Variants in SMC1B observed in about 807,000 individuals in gnomAD.
SMC1B encodes structural maintenance of chromosomes 1B, also known as structural maintenance of chromosomes protein 1B.
A neutral mutation model predicts 157.9 loss-of-function variants in SMC1B; 60 were observed. The ratio of observed to expected loss-of-function variants is 0.38; its 90% CI spans 0.31 to 0.47. The LOEUF (loss-of-function observed/expected upper bound fraction) is 0.47. Among genes scored for constraint, SMC1B ranks in the 20% least tolerant of loss-of-function variants. The pLI is 0.99. For synonymous variants in SMC1B, 445 were observed against 483.0 expected (o/e 0.92, Z 1.03); for missense variants, 1,165 against 1,426.2 (o/e 0.82, Z 2.95).
intron 12 of SMC1B, 38 bp downstream of exon 12, chr22:45,383,429 C>A: frequency 6.8e-7 from 1 of 1,472,718 alleles, no homozygotes; most frequent in South Asian, 1.5e-5. Flanking sequence ...CACAATTATT[C>A]TACTTAGTAT....
intron 23 of SMC1B, among the ~76,000 whole-genome samples, chr22:45,346,415 A>G (rs537944668): frequency 6.6e-6 from 1 of 152,324 alleles, no homozygotes; most frequent in Non-Finnish European, 1.5e-5. Context: ...TTGGTGAACA[A>G]ACCACTCAGA....
intron 2 of SMC1B, among the ~76,000 whole-genome samples, 168 bp downstream of exon 2, chr22:45,408,542 A>G (rs1405400642): frequency 1.3e-5 from 2 of 152,230 alleles, no homozygotes. Flanking sequence ...TATGTGGCGA[A>G]TCAAACAGGT....
chr22:45,391,100 G>C (rs887362982), intron 9 of SMC1B, among the ~76,000 whole-genome samples: 1 of 144,920 alleles, frequency 6.9e-6, no homozygotes, highest in Non-Finnish European at 1.5e-5. Flanking sequence ...GTCTTGCTAT[G>C]TTGCCCAGGC....
rs753330750 is a variant in SMC1B, at chr22:45,354,968, A to C, written c.3109T>G (p.Ser1037Ala). 2.0e-5 allele frequency: 33 copies of C among 1,614,026 alleles called. No homozygotes were observed. The highest frequency in any genetic ancestry group is 2.6e-5 in the Non-Finnish European group (31 of 1,179,962). Reference protein sequence around the residue: ...LKTVRDKFQESTDAFEASRKE... With the variant: ...LKTVRDKFQEATDAFEASRKE... The stretch of plus-strand genomic sequence containing the variant: ...CTACACTCAATTTTACCATCTGTGG[A>C]CTCTTGAAACTTGTCTCTGACAGTC... The change falls in exon 20 of 25, where the codon TCC becomes GCC. Residue 1037 changes from serine (S) to alanine (A), a missense_variant. Coordinates refer to ENST00000357450, the MANE Select transcript of SMC1B (RefSeq NM_148674.5).
chr22:45,355,629 A>G (rs1262752311), intron 19 of SMC1B, among the ~76,000 whole-genome samples: 1 of 152,162 alleles, frequency 6.6e-6, no homozygotes, highest in East Asian at 1.9e-4. Flanking sequence ...AAGACTTCTA[A>G]TAGGGCAAGC....
At chr22:45,384,401 A>G (rs961880494) in intron 11 of SMC1B, among the ~76,000 whole-genome samples, 2 of 152,006 alleles carry the variant, frequency 1.3e-5, no homozygotes, top group African/African-American at 2.4e-5. Flanking sequence ...GTTTTTTGTC[A>G]TATTGGAAAA....
At chr22:45,412,382 G>A (rs1182377898) in intron 1 of SMC1B, among the ~76,000 whole-genome samples, 6 of 146,944 alleles carry the variant, frequency 4.1e-5, no homozygotes, top group Middle Eastern at 7.5e-3. Flanking sequence ...TGTATTTTTA[G>A]TAGAGACAGG....
In SMC1B at chr22:45,406,444, CT is replaced by C. The variant is rs779510986; in HGVS notation, c.615+15del. ...TATATCCAACAACTAATGGTTACAT[CT>C]TCATGACATCTTACCTCTTCCTTCT... On this transcript the variant is annotated intron_variant, in intron 4 of 24. Transcript: ENST00000357450. The C allele has an allele frequency of 6.3e-7, 1 of 1,598,516 alleles. No individual in the cohort carries two copies. The highest frequency in any genetic ancestry group is 8.5e-7 in the Non-Finnish European group (1 of 1,174,384).
chr22:45,410,154 G>A (rs1602103228), intron 1 of SMC1B, among the ~76,000 whole-genome samples: 1 of 152,138 alleles, frequency 6.6e-6, no homozygotes, highest in East Asian at 1.9e-4. Context: ...CCTTTGCTGA[G>A]TTCGCTTTGT....
At chr22:45,363,143 A>G in intron 15 of SMC1B, 117 bp from the exon 16 acceptor site, 1 of 669,728 alleles carries the variant, frequency 1.5e-6, no homozygotes, top group East Asian at 3.2e-5. Flanking sequence ...ATGAACTCCC[A>G]AGTAGCTGTC....
At chr22:45,379,120 T>C (rs1351695656) in intron 12 of SMC1B, among the ~76,000 whole-genome samples, 3 of 152,190 alleles carry the variant, frequency 2.0e-5, no homozygotes, top group Non-Finnish European at 4.4e-5. Flanking sequence ...TAGCTGGGAC[T>C]GCAGGTGCGT....
chr22:45,358,017 C>G (rs2086686071), intron 19 of SMC1B, among the ~76,000 whole-genome samples: 1 of 152,140 alleles, frequency 6.6e-6, no homozygotes, highest in Non-Finnish European at 1.5e-5. Context: ...ACCAATTGCC[C>G]ATGATTTATC....
At chr22:45,347,298 G>T (rs1388552614) in intron 23 of SMC1B, among the ~76,000 whole-genome samples, 2 of 152,156 alleles carry the variant, frequency 1.3e-5, no homozygotes, top group Non-Finnish European at 2.9e-5. Context: ...CTTTTTGGGG[G>T]TATGGAGTTG....
At chr22:45,408,164 C>A (rs956999260) in intron 2 of SMC1B, among the ~76,000 whole-genome samples, 2 of 152,052 alleles carry the variant, frequency 1.3e-5, no homozygotes, top group African/African-American at 2.4e-5. Flanking sequence ...CTTGATCTGT[C>A]GCCTAGGCTG....
chr22:45,357,957 C>A (rs2086685387), intron 19 of SMC1B, among the ~76,000 whole-genome samples: 1 of 152,102 alleles, frequency 6.6e-6, no homozygotes, highest in African/African-American at 2.4e-5. Context: ...ACCTTCAGCC[C>A]CTCTTCTCTA....
intron 6 of SMC1B, among the ~76,000 whole-genome samples, chr22:45,398,568 G>A (rs1042168189): frequency 5.3e-4 from 80 of 152,292 alleles, no homozygotes; most frequent in Middle Eastern, 3.4e-3. Flanking sequence ...GGTGGCTCAC[G>A]CCTGTAATCC....
chr22:45,399,002 A>C (rs2087159830), intron 6 of SMC1B, 93 bp downstream of exon 6: 3 of 1,250,518 alleles, frequency 2.4e-6, no homozygotes, highest in Admixed American at 2.3e-5. Flanking sequence ...AATCTCTTAA[A>C]ATATCAGAGA....
At chr22:45,345,811 T>C (rs1448221974) in intron 23 of SMC1B, among the ~76,000 whole-genome samples, 1 of 152,138 alleles carries the variant, frequency 6.6e-6, no homozygotes, top group Admixed American at 6.6e-5. Flanking sequence ...AGCTCCAACT[T>C]AAGATACTGT....
chr22:45,354,112 C>T lies in SMC1B; in HGVS notation c.3139G>A (p.Glu1047Lys). 6.4e-7 allele frequency: 1 copy of T among 1,572,550 alleles called. No individual in the cohort carries two copies. The highest frequency in any genetic ancestry group is 8.6e-7 in the Non-Finnish European group (1 of 1,165,462). The change falls in exon 21 of 25, where the codon GAA (glutamate) becomes AAA (lysine). Residue 1047 changes from glutamate (E) to lysine (K), a missense_variant. By Grantham distance (56) the Glu-to-Lys change is moderately conservative. Coordinates refer to ENST00000357450, the MANE Select transcript of SMC1B (RefSeq NM_148674.5). ...STDAFEASRK[E>K]ARLCRQEFEQ... Reference sequence around the variant, plus strand: ...AACTCTTGCCTACACAGTCTGGCTTCCTTTCTGCTGGCCTCAAAAGCTAAG... The same window carrying T: ...AACTCTTGCCTACACAGTCTGGCTTTCTTTCTGCTGGCCTCAAAAGCTAAG...
Sources: allele counts gnomAD v4.1 joint callset (sites outside exome capture counted in the v4.1 genomes callset), GRCh38; gene constraint gnomAD v4.1.1; transcripts MANE v1.5; gene names NCBI Gene and HGNC (gene_info 2026-07-23, HGNC 2026-07-21).